Variants in CNTN4 observed in about 807,000 individuals in gnomAD.
CNTN4 encodes the protein contactin-4.
A neutral mutation model predicts 122.5 loss-of-function variants in CNTN4; 77 were observed. The ratio of observed to expected loss-of-function variants is 0.63; its 90% CI spans 0.52 to 0.76. CNTN4 has a LOEUF of 0.76. Ranked by LOEUF, CNTN4 falls within the 30% of genes least tolerant of loss-of-function variation. The pLI is 0.00. For synonymous variants in CNTN4, 512 were observed against 447.0 expected, an observed-to-expected ratio of 1.15 and a Z score of -1.83; for missense variants, 1,256 against 1,259.1, an observed-to-expected ratio of 1.00 and a Z score of 0.04.
intron 3 of CNTN4, among the ~76,000 whole-genome samples, chr3:2,405,595 GTAGATAGA>G (rs61138023): frequency 0.074 from 11,089 of 149,990 alleles, 452 homozygotes; most frequent in African/African-American, 0.088. Flanking sequence ...TTATAGATAG[GTAGATAGA>G]TAGATAGATA....
rs146756156 is a variant in CNTN4, at chr3:2,900,803, C to T, written c.1059C>T (p.Gly353=). 1.9e-5 allele frequency: 31 copies of T among 1,613,718 alleles called. No homozygotes were observed. The highest frequency in any genetic ancestry group is 1.6e-4 in the Middle Eastern group (1 of 6,084). The change falls in exon 11 of 25, where the codon GGC becomes GGT. Residue 353 remains glycine, a synonymous_variant. Coordinates refer to ENST00000418658, the MANE Select transcript of CNTN4 (RefSeq NM_175607.3). The part of the protein sequence containing the change: ...PKPTYKWLKN[G]EPLLTRDRIQ... Reference sequence around the variant, plus strand: ...CTACATACAAGTGGCTAAAAAATGGCGAACCTCTGCTAACTCGGGTAAGCA... The same window carrying T: ...CTACATACAAGTGGCTAAAAAATGGTGAACCTCTGCTAACTCGGGTAAGCA...
chr3:2,144,819 G>T (rs1023532391), intron 2 of CNTN4, among the ~76,000 whole-genome samples: 10 of 152,182 alleles, frequency 6.6e-5, no homozygotes, highest in African/African-American at 2.4e-4. Flanking sequence ...CTTCTTAAGA[G>T]AAAAATCTGC....
At chr3:2,298,857 A>G (rs2042404392) in intron 2 of CNTN4, among the ~76,000 whole-genome samples, 1 of 152,210 alleles carries the variant, frequency 6.6e-6, no homozygotes, top group Admixed American at 6.5e-5. Flanking sequence ...GAGTAAATTA[A>G]TGCATATATG....
intron 3 of CNTN4, among the ~76,000 whole-genome samples, chr3:2,460,134 C>T (rs1174132433): frequency 6.6e-6 from 1 of 151,944 alleles, no homozygotes; most frequent in Non-Finnish European, 1.5e-5. Flanking sequence ...TTCACTTTTT[C>T]TGGGAGGTCA....
intron 12 of CNTN4, among the ~76,000 whole-genome samples, chr3:2,922,619 T>TTTG: frequency 6.8e-6 from 1 of 147,702 alleles, no homozygotes; most frequent in Non-Finnish European, 1.5e-5. Context: ...TTTTTTTTTT[T>TTTG]TTTTTTTTTT....
In CNTN4 at chr3:3,006,052, A is replaced by G. The variant is rs60966655; in HGVS notation, c.1486+17580A>G. 9.3e-4 allele frequency among the ~76,000 whole-genome samples: 139 copies of G among 150,202 alleles called. 2 individuals are homozygous for G. The East Asian group carries it at 0.026, about 28-fold the overall frequency. On this transcript the variant is annotated intron_variant, in intron 14 of 24. Coordinates refer to ENST00000418658, the MANE Select transcript of CNTN4 (RefSeq NM_175607.3). The stretch of plus-strand genomic sequence containing the variant: ...AGGCGCCCACCCCCACGCTCGGCTA[A>G]TTTTTTTTTGCATTTTTAGTAGAGA...
At chr3:2,588,071 A>T (rs2149628013) in intron 4 of CNTN4, among the ~76,000 whole-genome samples, 1 of 151,894 alleles carries the variant, frequency 6.6e-6, no homozygotes, top group Admixed American at 6.6e-5. Context: ...TTTATTAATT[A>T]TGTTTTTTTT....
intron 3 of CNTN4, among the ~76,000 whole-genome samples, chr3:2,450,508 T>G (rs765016368): frequency 5.9e-5 from 9 of 152,242 alleles, no homozygotes; most frequent in Non-Finnish European, 8.8e-5. Context: ...TTCTCAATAT[T>G]GCACTTTGCA....
chr3:2,706,962 A>G (rs1255160786), intron 4 of CNTN4, among the ~76,000 whole-genome samples: 1 of 151,858 alleles, frequency 6.6e-6, no homozygotes, highest in Non-Finnish European at 1.5e-5. Flanking sequence ...ATGGGGAAGC[A>G]CTAGATTATG....
intron 7 of CNTN4, among the ~76,000 whole-genome samples, chr3:2,831,704 A>G (rs768054070): frequency 1.3e-5 from 2 of 152,256 alleles, no homozygotes; most frequent in African/African-American, 4.8e-5. Flanking sequence ...ACAAATCCAT[A>G]TGGCAGGCAC....
chr3:2,598,239 C>T (rs546252454), intron 4 of CNTN4, among the ~76,000 whole-genome samples: 1 of 152,294 alleles, frequency 6.6e-6, no homozygotes, highest in Admixed American at 6.5e-5. Flanking sequence ...TTAGTCCTAT[C>T]ACTGAGCCCA....
intron 2 of CNTN4, among the ~76,000 whole-genome samples, chr3:2,291,422 A>C (rs897019942): frequency 6.6e-6 from 1 of 152,188 alleles, no homozygotes; most frequent in Non-Finnish European, 1.5e-5. Flanking sequence ...TAGCAGAGTC[A>C]CCCTAGTTAC....
intron 2 of CNTN4, among the ~76,000 whole-genome samples, chr3:2,232,408 A>G (rs2039520912): frequency 1.3e-5 from 2 of 152,164 alleles, no homozygotes; most frequent in African/African-American, 4.8e-5. Context: ...TGATGAGTGA[A>G]TGCATGAGAA....
intron 4 of CNTN4, among the ~76,000 whole-genome samples, chr3:2,655,383 T>G (rs1171585879): frequency 6.6e-6 from 1 of 152,212 alleles, no homozygotes; most frequent in Non-Finnish European, 1.5e-5. Context: ...GCTGCCTCCT[T>G]GGTTCTGTAT....
At chr3:2,554,149 T>G (rs746396980) in intron 3 of CNTN4, among the ~76,000 whole-genome samples, 1 of 152,210 alleles carries the variant, frequency 6.6e-6, no homozygotes, top group Non-Finnish European at 1.5e-5. Flanking sequence ...CCAGTATGTA[T>G]TCAAGTGAGC....
chr3:3,037,642 A>T (rs1039520401), intron 18 of CNTN4: 2 of 390,554 alleles, frequency 5.1e-6, no homozygotes, highest in Non-Finnish European at 9.7e-6. Context: ...TCAAAAAAAA[A>T]TCCCACATTT....
intron 2 of CNTN4, among the ~76,000 whole-genome samples, chr3:2,289,104 G>A (rs1026257061): frequency 3.9e-5 from 6 of 152,058 alleles, no homozygotes; most frequent in Admixed American, 3.9e-4. Context: ...TTTCTTATAA[G>A]GCTATACATT....
intron 4 of CNTN4, among the ~76,000 whole-genome samples, chr3:2,604,777 A>G (rs983583288): frequency 3.3e-5 from 5 of 152,170 alleles, no homozygotes; most frequent in African/African-American, 9.7e-5. Flanking sequence ...CATCATCACA[A>G]TCAATGCCAT....
intron 3 of CNTN4, among the ~76,000 whole-genome samples, chr3:2,458,524 A>G (rs2049083303): frequency 6.6e-6 from 1 of 152,128 alleles, no homozygotes; most frequent in African/African-American, 2.4e-5. Flanking sequence ...TTATCTATCT[A>G]TTTATTCCCT....
Sources: gnomAD v4.1 joint callset for allele counts (sites outside exome capture counted in the v4.1 genomes callset) on GRCh38, gnomAD v4.1.1 for gene constraint, MANE v1.5 for transcripts, NCBI Gene and HGNC (gene_info 2026-07-23, HGNC 2026-07-21) for gene names.